The following SLC25A26 variants were observed in gnomAD, a reference collection of about 807,000 sequenced individuals.
SLC25A26 encodes the protein solute carrier family 25 member 26.
Under a neutral mutation model 37.8 loss-of-function variants are expected in SLC25A26, and 36 were observed. The observed-to-expected ratio is 0.95, with a 90% CI of 0.73 to 1.26. SLC25A26 has a LOEUF of 1.26. Among genes scored for constraint, SLC25A26 ranks in the 50% most tolerant of loss-of-function variants. The pLI is 0.00. For synonymous variants in SLC25A26, 129 were observed against 122.5 expected (o/e 1.05, Z -0.35); for missense variants, 390 against 331.1 (o/e 1.18, Z -1.38).
At chr3:66,303,459 CAGATAATCAGCA>C (rs1207592911) in intron 5 of SLC25A26, among the ~76,000 whole-genome samples, 2 of 152,170 alleles carry the variant, frequency 1.3e-5, no homozygotes, top group East Asian at 3.9e-4. Context: ...GTGGCTGGAT[CAGATAATCAGCA>C]AGATGCCTTC....
chr3:66,356,143 G>T (rs143404899), intron 6 of SLC25A26: 1 of 452,232 alleles, frequency 2.2e-6, no homozygotes, highest in African/African-American at 2.0e-5. Context: ...TCATAAGACA[G>T]TAGTGCTTAT....
intron 3 of SLC25A26, among the ~76,000 whole-genome samples, chr3:66,249,116 AC>A (rs1343444295): frequency 6.6e-6 from 1 of 152,202 alleles, no homozygotes; most frequent in East Asian, 1.9e-4. Context: ...CCTCAAAATG[AC>A]ATATTTTAGA....
At chr3:66,232,263 T>G (rs2072069583) in intron 1 of SLC25A26, among the ~76,000 whole-genome samples, 1 of 152,220 alleles carries the variant, frequency 6.6e-6, no homozygotes, top group Non-Finnish European at 1.5e-5. Flanking sequence ...TGTTTTTATT[T>G]GATAATGACA....
chr3:66,214,487 C>T (rs1405403218), intron 1 of SLC25A26, among the ~76,000 whole-genome samples: 4 of 152,142 alleles, frequency 2.6e-5, no homozygotes, highest in Non-Finnish European at 5.9e-5. Context: ...CTCCAACTCT[C>T]CCTCTAGAAA....
At chr3:66,143,541 A>G (rs1265288970) in intron 1 of SLC25A26, among the ~76,000 whole-genome samples, 2 of 152,184 alleles carry the variant, frequency 1.3e-5, no homozygotes, top group African/African-American at 4.8e-5. Context: ...ATAAGCAGGA[A>G]TGGTACCTAA....
chr3:66,371,469 A>G lies in SLC25A26; in HGVS notation c.707+867A>G, dbSNP rs185744761. On this transcript the variant is annotated intron_variant, in intron 9 of 9. Transcript: ENST00000354883. ...GGAGAGCAGCACATCCTAGATTGAA[A>G]TTTTCCAGTTGGAAGTTTGAAAAGT... 1.6e-5 allele frequency: 22 copies of G among 1,345,274 alleles called. No homozygotes were observed. The East Asian group carries it at 6.1e-4, about 37-fold the overall frequency. 83.3% of individuals were successfully genotyped at this position (1,345,274 alleles called of 1,614,324 possible). A position where few individuals can be genotyped will look rare whatever the true frequency, so the allele number is the denominator to read the frequency against.
upstream of SLC25A26, among the ~76,000 whole-genome samples, chr3:66,217,538 A>G (rs1342146127): frequency 5.3e-5 from 8 of 151,872 alleles, no homozygotes; most frequent in Admixed American, 2.0e-4. Context: ...TTATTGAGCT[A>G]TAATTTACAT....
At chr3:66,153,099 C>T (rs1442694614) in intron 1 of SLC25A26, among the ~76,000 whole-genome samples, 1 of 152,126 alleles carries the variant, frequency 6.6e-6, no homozygotes, top group African/African-American at 2.4e-5. Flanking sequence ...TTTCTGTTCC[C>T]CAGGGGCCAT....
intron 6 of SLC25A26, 137 bp from the exon 7 acceptor site, chr3:66,362,723 A>G (rs935552466): frequency 4.3e-5 from 22 of 511,566 alleles, no homozygotes; most frequent in African/African-American, 1.2e-4. Flanking sequence ...TCTTTGGGAA[A>G]GTCACTTATG....
chr3:66,286,252 C>G (rs796120204), intron 5 of SLC25A26, among the ~76,000 whole-genome samples: 27 of 152,226 alleles, frequency 1.8e-4, no homozygotes, highest in African/African-American at 5.8e-4. Flanking sequence ...TGGATGTCAT[C>G]TCTAGGAACT....
chr3:66,272,630 C>T (rs1430109383), intron 5 of SLC25A26, among the ~76,000 whole-genome samples: 1 of 152,018 alleles, frequency 6.6e-6, no homozygotes, highest in Non-Finnish European at 1.5e-5. Flanking sequence ...GTGATCACTC[C>T]AGCTAAAATA....
intron 5 of SLC25A26, among the ~76,000 whole-genome samples, chr3:66,340,493 C>T (rs1234097754): frequency 2.0e-5 from 3 of 151,990 alleles, no homozygotes; most frequent in Non-Finnish European, 2.9e-5. Context: ...CTCCTATCCA[C>T]GGACCACCCG....
intron 5 of SLC25A26, among the ~76,000 whole-genome samples, chr3:66,300,258 T>TTTTG (rs1553688718): frequency 1.3e-4 from 17 of 131,542 alleles, no homozygotes; most frequent in South Asian, 4.2e-4. Context: ...TTTGTTTTGT[T>TTTTG]TTTTTTTTTT....
chr3:66,364,937 A>C (rs190185546), intron 7 of SLC25A26, among the ~76,000 whole-genome samples: 2 of 152,332 alleles, frequency 1.3e-5, no homozygotes, highest in Admixed American at 6.5e-5. Context: ...ATATTTAGCA[A>C]AAGATAAATA....
chr3:66,354,127 A>G (rs1251935919), intron 6 of SLC25A26, among the ~76,000 whole-genome samples: 2 of 152,134 alleles, frequency 1.3e-5, no homozygotes, highest in Non-Finnish European at 2.9e-5. Flanking sequence ...ATATTATGAA[A>G]GGATATGATA....
chr3:66,317,102 T>TGTCA (rs2075561003), intron 5 of SLC25A26, among the ~76,000 whole-genome samples: 2 of 152,246 alleles, frequency 1.3e-5, no homozygotes, highest in South Asian at 4.1e-4. Flanking sequence ...AGCCTTCTTC[T>TGTCA]GTCAATTCAC....
intron 5 of SLC25A26, among the ~76,000 whole-genome samples, chr3:66,302,541 C>A (rs1327845348): frequency 6.6e-6 from 1 of 152,146 alleles, no homozygotes; most frequent in Non-Finnish European, 1.5e-5. Flanking sequence ...TTATTTGCTG[C>A]CAGCAGTTTA....
chr3:66,198,483 C>T (rs1300530697), intron 1 of SLC25A26, among the ~76,000 whole-genome samples: 1 of 151,950 alleles, frequency 6.6e-6, no homozygotes, highest in African/African-American at 2.4e-5. Context: ...AGAATTTTGC[C>T]CTCATGCTGT....
intron 5 of SLC25A26, among the ~76,000 whole-genome samples, chr3:66,305,744 A>C (rs1287569052): frequency 6.6e-6 from 1 of 152,130 alleles, no homozygotes; most frequent in Admixed American, 6.5e-5. Context: ...GCTATTGTGA[A>C]TAGTGCTGCA....
Sources: allele counts gnomAD v4.1 joint callset (sites outside exome capture counted in the v4.1 genomes callset), GRCh38; gene constraint gnomAD v4.1.1; transcripts MANE v1.5; gene names NCBI Gene and HGNC (gene_info 2026-07-23, HGNC 2026-07-21).